Variants in CFAP90 observed in about 807,000 individuals in gnomAD.
The protein encoded by CFAP90 is cilia and flagella associated protein 90, also known as cilia- and flagella-associated protein 90.
the CFAP90 span, among the ~76,000 whole-genome samples, chr5:7,843,625 C>T: frequency 6.6e-6 from 1 of 152,120 alleles, no homozygotes; most frequent in African/African-American, 2.4e-5. Context: ...TCCTCTTCCA[C>T]TGATACCAGC....
At chr5:7,850,612 C>A in the CFAP90 span, among the ~76,000 whole-genome samples, 1 of 146,650 alleles carries the variant, frequency 6.8e-6, no homozygotes, top group African/African-American at 2.5e-5. Context: ...GGCCCCCTCC[C>A]CTAAGGTGAG....
At chr5:7,845,655 CAGA>C in the CFAP90 span, among the ~76,000 whole-genome samples, 150 of 152,272 alleles carry the variant, frequency 9.9e-4, no homozygotes, top group Non-Finnish European at 1.8e-3. Context: ...CTGCACAAGG[CAGA>C]AGAAGAAAAA....
the CFAP90 span, among the ~76,000 whole-genome samples, chr5:7,848,469 C>G: frequency 6.6e-6 from 1 of 152,170 alleles, no homozygotes; most frequent in Non-Finnish European, 1.5e-5. Flanking sequence ...CCATGGATGA[C>G]GTGGCTTAAC....
chr5:7,835,142 T>A, the CFAP90 span, among the ~76,000 whole-genome samples: 1 of 152,130 alleles, frequency 6.6e-6, no homozygotes, highest in East Asian at 1.9e-4. Context: ...AATGTACAGA[T>A]CCTAATTTGT....
the CFAP90 span, chr5:7,831,677 T>A: frequency 3.4e-6 from 2 of 584,230 alleles, no homozygotes; most frequent in Non-Finnish European, 6.0e-6. Flanking sequence ...CCCAGCAACC[T>A]GAGGGGGGCT....
At chr5:7,833,347 A>G in the CFAP90 span, among the ~76,000 whole-genome samples, 8 of 148,858 alleles carry the variant, frequency 5.4e-5, no homozygotes, top group Non-Finnish European at 3.0e-5. Flanking sequence ...CATGTGCATG[A>G]TATATACATG....
At chr5:7,850,744 G>A in the CFAP90 span, 2 of 963,186 alleles carry the variant, frequency 2.1e-6, no homozygotes, top group Admixed American at 4.4e-5. Flanking sequence ...CTTCCGCTGG[G>A]GTGATCCCTT....
the CFAP90 span, among the ~76,000 whole-genome samples, chr5:7,849,567 G>A: frequency 3.3e-5 from 5 of 152,126 alleles, no homozygotes; most frequent in Non-Finnish European, 7.3e-5. Context: ...AAGACAAACC[G>A]GGGACATTTA....
chr5:7,831,771 C>G, the CFAP90 span: 1 of 1,401,464 alleles, frequency 7.1e-7, no homozygotes, highest in Non-Finnish European at 9.9e-7. Flanking sequence ...GGAAAGGAGG[C>G]TCCAGATGCC....
At chr5:7,831,704 G>A in the CFAP90 span, 1 of 737,490 alleles carries the variant, frequency 1.4e-6, no homozygotes, top group Non-Finnish European at 2.2e-6. Context: ...GTGTTCATGT[G>A]TCCCACTGTA....
the CFAP90 span, among the ~76,000 whole-genome samples, chr5:7,838,138 T>C: frequency 5.9e-5 from 9 of 152,300 alleles, no homozygotes; most frequent in South Asian, 4.1e-4. Context: ...ATTGTGACAA[T>C]TGGCTAGTTT....
chr5:7,834,527 T>C, the CFAP90 span, among the ~76,000 whole-genome samples: 1 of 152,294 alleles, frequency 6.6e-6, no homozygotes, highest in East Asian at 1.9e-4. Context: ...ACAGTGCTTA[T>C]GAAGTCTACG....
At chr5:7,849,122 T>C in the CFAP90 span, among the ~76,000 whole-genome samples, 1 of 152,218 alleles carries the variant, frequency 6.6e-6, no homozygotes, top group Non-Finnish European at 1.5e-5. Context: ...CCAAATAAGT[T>C]CACATTCTAA....
chr5:7,840,298 T>C, the CFAP90 span, among the ~76,000 whole-genome samples: 1 of 152,196 alleles, frequency 6.6e-6, no homozygotes, highest in Non-Finnish European at 1.5e-5. Flanking sequence ...GAAATTGCTC[T>C]GGTCCACAGG....
the CFAP90 span, among the ~76,000 whole-genome samples, chr5:7,850,049 C>T: frequency 1.3e-5 from 2 of 152,086 alleles, no homozygotes; most frequent in African/African-American, 4.8e-5. Context: ...GTGGCTCCCG[C>T]TCCCTTCTCC....
At chr5:7,835,457 G>C in the CFAP90 span, 1 of 1,603,944 alleles carries the variant, frequency 6.2e-7, no homozygotes, top group Non-Finnish European at 8.5e-7. Flanking sequence ...CATAATCTAG[G>C]CGCCTCTTAA....
the CFAP90 span, among the ~76,000 whole-genome samples, chr5:7,845,536 C>G: frequency 6.6e-6 from 1 of 152,184 alleles, no homozygotes. Flanking sequence ...GATTCTAAAA[C>G]CAGTTATAAT....
the CFAP90 span, among the ~76,000 whole-genome samples, chr5:7,847,687 G>T: frequency 1.3e-5 from 2 of 152,280 alleles, no homozygotes. Context: ...CACTCCCAGC[G>T]GACCTCCTTC....
At chr5:7,835,946 T>A in the CFAP90 span, among the ~76,000 whole-genome samples, 26 of 152,158 alleles carry the variant, frequency 1.7e-4, no homozygotes, top group African/African-American at 6.0e-4. Flanking sequence ...AAGTCCAAGT[T>A]CAAGGCCCTG....
Sources: gnomAD v4.1 joint callset for allele counts (sites outside exome capture counted in the v4.1 genomes callset) on GRCh38, gnomAD v4.1.1 for gene constraint, MANE v1.5 for transcripts, NCBI Gene and HGNC (gene_info 2026-07-23, HGNC 2026-07-21) for gene names.